Variants in VSTM4 observed in about 807,000 individuals in gnomAD.
VSTM4 encodes the protein V-set and transmembrane domain-containing protein 4.
A neutral mutation model predicts 36.4 loss-of-function variants in VSTM4; 20 were observed. The observed-to-expected ratio is 0.55, with a 90% CI of 0.39 to 0.80. The LOEUF is 0.80. VSTM4 is among the 30% of genes least tolerant of loss of function. VSTM4 has a pLI of 0.00. For synonymous variants in VSTM4, 182 were observed against 173.9 expected (o/e 1.05, Z -0.37); for missense variants, 392 against 404.5 (o/e 0.97, Z 0.26).
intron 2 of VSTM4, among the ~76,000 whole-genome samples, chr10:49,088,418 C>T (rs928890731): frequency 1.3e-5 from 2 of 152,216 alleles, no homozygotes; most frequent in African/African-American, 4.8e-5. Flanking sequence ...CACACCCAAC[C>T]TCCTTGACCT....
chr10:49,085,682 T>C (rs2132000700), intron 3 of VSTM4, among the ~76,000 whole-genome samples: 1 of 152,214 alleles, frequency 6.6e-6, no homozygotes, highest in African/African-American at 2.4e-5. Context: ...GAAGTTAGGG[T>C]CCTTTCTTTA....
chr10:49,074,383 G>A (rs1224868949), intron 4 of VSTM4, among the ~76,000 whole-genome samples: 1 of 152,186 alleles, frequency 6.6e-6, no homozygotes, highest in Non-Finnish European at 1.5e-5. Context: ...CAGCTCTAAG[G>A]CCTTGCTACT....
intron 2 of VSTM4, among the ~76,000 whole-genome samples, chr10:49,087,949 T>C (rs569586420): frequency 7.3e-6 from 1 of 136,392 alleles, no homozygotes; most frequent in African/African-American, 3.4e-5. Context: ...TATATATACA[T>C]ATGTAATATA....
intron 7 of VSTM4, among the ~76,000 whole-genome samples, chr10:49,045,686 A>C (rs563460898): frequency 6.6e-6 from 1 of 152,312 alleles, no homozygotes; most frequent in South Asian, 2.1e-4. Flanking sequence ...TAGAGTCTGG[A>C]AAGGAGAAAA....
chr10:49,075,606 T>G (rs1387114989), intron 4 of VSTM4, among the ~76,000 whole-genome samples: 1 of 152,200 alleles, frequency 6.6e-6, no homozygotes, highest in Non-Finnish European at 1.5e-5. Flanking sequence ...GAGGTGGGTA[T>G]TGCAGGGGAA....
intron 7 of VSTM4, among the ~76,000 whole-genome samples, chr10:49,028,420 C>G (rs933526528): frequency 1.3e-5 from 2 of 152,152 alleles, no homozygotes; most frequent in African/African-American, 4.8e-5. Context: ...AATCTCCCAC[C>G]TCTAATGCAA....
At chr10:49,045,688 A>C (rs1280521106) in intron 7 of VSTM4, among the ~76,000 whole-genome samples, 1 of 152,212 alleles carries the variant, frequency 6.6e-6, no homozygotes, top group Non-Finnish European at 1.5e-5. Context: ...GAGTCTGGAA[A>C]GGAGAAAATA....
chr10:49,024,367 G>C (rs59443750), intron 7 of VSTM4, among the ~76,000 whole-genome samples: 6,001 of 152,240 alleles, frequency 0.039, 342 homozygotes, highest in African/African-American at 0.12. Context: ...AGGGGGGATG[G>C]AGGGTCAGAT....
intron 2 of VSTM4, among the ~76,000 whole-genome samples, chr10:49,095,556 G>A (rs1364771047): frequency 2.0e-5 from 3 of 152,020 alleles, no homozygotes; most frequent in Non-Finnish European, 4.4e-5. Flanking sequence ...TGCCTCTCTG[G>A]CCTCTTGCAA....
Position 49,019,705 on chromosome 10 carries a change from C to A in VSTM4, c.908G>T (p.Gly303Val), listed in dbSNP as rs1843152357. 4 of 1,614,000 alleles carry A rather than the reference C, an allele frequency of 2.5e-6. No individual in the cohort carries two copies. Among genetic ancestry groups the A allele is most frequent in the Non-Finnish European group, 3.4e-6 (4 of 1,179,980 alleles). Residue 303 changes from glycine (G) to valine (V), a missense_variant, in exon 8 of 8, where the codon GGC becomes GTC. Gly to Val is a moderately radical substitution (Grantham distance 109). Coordinates refer to ENST00000332853, the MANE Select transcript of VSTM4 (RefSeq NM_001031746.5). ...GGCGTAGACAGTGCTGGTGGGGGCG[C>A]CTTTGGCAGCCCGGTGGGGTTTGAT... Reference protein sequence around the residue: ...ELIKPHRAAKGAPTSTVYAQI... With the variant: ...ELIKPHRAAKVAPTSTVYAQI...
chr10:49,091,049 A>G (rs1249648265), intron 2 of VSTM4, among the ~76,000 whole-genome samples: 24 of 152,224 alleles, frequency 1.6e-4, no homozygotes, highest in Admixed American at 1.6e-3. Flanking sequence ...GGGAAGTAGA[A>G]GGAAGCCCAA....
chr10:49,109,911 A>G (rs1004423899), intron 1 of VSTM4, among the ~76,000 whole-genome samples: 2 of 152,218 alleles, frequency 1.3e-5, no homozygotes, highest in African/African-American at 4.8e-5. Context: ...CCCATGGGCC[A>G]TGTTAAATTA....
intron 5 of VSTM4, among the ~76,000 whole-genome samples, chr10:49,054,240 G>C (rs574431701): frequency 2.0e-5 from 3 of 152,220 alleles, no homozygotes; most frequent in African/African-American, 7.2e-5. Context: ...AAGGTCAATA[G>C]AGCCAGAGCC....
intron 3 of VSTM4, among the ~76,000 whole-genome samples, chr10:49,080,109 TG>T (rs1437962539): frequency 6.6e-6 from 1 of 152,264 alleles, no homozygotes; most frequent in Non-Finnish European, 1.5e-5. Context: ...TGAGCATTCA[TG>T]AACTTAAACC....
rs142778675 is a variant in VSTM4 at position 49,034,031 on chromosome 10, C to T, written c.837+12952G>A. On this transcript the variant is annotated intron_variant, in intron 7 of 7. Coordinates refer to ENST00000332853, the MANE Select transcript of VSTM4 (RefSeq NM_001031746.5). ...ATCATCATCACCATTATTACCAACACCATCATCATCACTATCATCATCAAT... is the reference window on the plus strand; with the variant it reads ...ATCATCATCACCATTATTACCAACATCATCATCATCACTATCATCATCAAT... 8.6e-5 allele frequency among the ~76,000 whole-genome samples: 13 copies of T among 151,396 alleles called. No homozygotes were observed. The East Asian group carries it at 1.6e-3, about 18-fold the overall frequency.
chr10:49,105,934 T>C (rs192318682), intron 2 of VSTM4, among the ~76,000 whole-genome samples: 104 of 152,294 alleles, frequency 6.8e-4, no homozygotes, highest in Non-Finnish European at 1.0e-3. Context: ...AAGTGGTATT[T>C]GCAGTGGGTT....
chr10:49,049,860 C>T (rs1374220913), intron 5 of VSTM4, among the ~76,000 whole-genome samples: 1 of 152,020 alleles, frequency 6.6e-6, no homozygotes, highest in African/African-American at 2.4e-5. Flanking sequence ...CTGGCAGCAG[C>T]GTGATCTTTC....
At chr10:49,059,622 C>T (rs898966978) in intron 5 of VSTM4, among the ~76,000 whole-genome samples, 4 of 152,104 alleles carry the variant, frequency 2.6e-5, no homozygotes, top group Non-Finnish European at 4.4e-5. Flanking sequence ...TCATCCACAG[C>T]TCTGACAATC....
At chr10:49,088,017 A>G (rs1333564079) in intron 2 of VSTM4, among the ~76,000 whole-genome samples, 1 of 148,362 alleles carries the variant, frequency 6.7e-6, no homozygotes, top group East Asian at 1.9e-4. Flanking sequence ...ATATATGTAT[A>G]TATACATATA....
Sources: gnomAD v4.1 joint callset for allele counts (sites outside exome capture counted in the v4.1 genomes callset) on GRCh38, gnomAD v4.1.1 for gene constraint, MANE v1.5 for transcripts, NCBI Gene and HGNC (gene_info 2026-07-23, HGNC 2026-07-21) for gene names.